The following CFAP95 variants were observed in gnomAD, a reference collection of about 807,000 sequenced individuals.
CFAP95 encodes cilia and flagella associated protein 95.
the CFAP95 span, among the ~76,000 whole-genome samples, chr9:69,856,057 T>A: frequency 3.3e-5 from 5 of 152,222 alleles, no homozygotes; most frequent in Admixed American, 6.5e-5. Flanking sequence ...TTACCCTTGA[T>A]GTTTCTGCAA....
At chr9:69,866,635 C>T in the CFAP95 span, among the ~76,000 whole-genome samples, 1 of 152,208 alleles carries the variant, frequency 6.6e-6, no homozygotes, top group African/African-American at 2.4e-5. Flanking sequence ...TCAAAAGCTA[C>T]TCTATTTTGG....
At chr9:69,836,506 C>G in the CFAP95 span, among the ~76,000 whole-genome samples, 1 of 152,018 alleles carries the variant, frequency 6.6e-6, no homozygotes, top group Non-Finnish European at 1.5e-5. Context: ...CAAATTGATC[C>G]CCTTCTCCAA....
At chr9:69,883,822 T>C in the CFAP95 span, among the ~76,000 whole-genome samples, 1 of 43,570 alleles carries the variant, frequency 2.3e-5, no homozygotes, top group Non-Finnish European at 6.2e-5. Flanking sequence ...TTTATTTTTT[T>C]AAAAAAAAAC....
the CFAP95 span, chr9:69,902,323 C>T: frequency 2.2e-6 from 1 of 455,068 alleles, no homozygotes; most frequent in East Asian, 7.0e-5. Context: ...GATATTTTCT[C>T]TACCCATTTG....
chr9:69,886,968 C>A, the CFAP95 span: 2 of 1,205,692 alleles, frequency 1.7e-6, no homozygotes, highest in Non-Finnish European at 1.2e-6. Flanking sequence ...TATAGTCAAA[C>A]TTGGGAAGAA....
At chr9:69,889,409 A>G in the CFAP95 span, among the ~76,000 whole-genome samples, 4 of 152,168 alleles carry the variant, frequency 2.6e-5, no homozygotes, top group African/African-American at 9.7e-5. Flanking sequence ...AACCTAAAGA[A>G]CTGGTCTTTG....
chr9:69,874,648 A>G, the CFAP95 span, among the ~76,000 whole-genome samples: 3 of 152,154 alleles, frequency 2.0e-5, no homozygotes, highest in African/African-American at 7.2e-5. Flanking sequence ...CCCGCTGAGG[A>G]CCAACTTCTT....
chr9:69,843,627 CTTCCT>C, the CFAP95 span, among the ~76,000 whole-genome samples: 1 of 60,562 alleles, frequency 1.7e-5, no homozygotes, highest in African/African-American at 9.7e-5. Flanking sequence ...TCTTCTTCTT[CTTCCT>C]CCTCCTCCTC....
the CFAP95 span, chr9:69,886,959 A>C: frequency 7.7e-7 from 1 of 1,292,264 alleles, no homozygotes; most frequent in East Asian, 2.3e-5. Context: ...TGCACCTAGT[A>C]TAGTCAAACT....
At chr9:69,837,287 A>T in the CFAP95 span, among the ~76,000 whole-genome samples, 1 of 152,158 alleles carries the variant, frequency 6.6e-6, no homozygotes, top group Non-Finnish European at 1.5e-5. Context: ...CCAGGTCTAG[A>T]TCCCTGAGGA....
At chr9:69,851,268 C>T in the CFAP95 span, among the ~76,000 whole-genome samples, 1 of 152,090 alleles carries the variant, frequency 6.6e-6, no homozygotes, top group Middle Eastern at 3.2e-3. Flanking sequence ...GCCTCCACTG[C>T]CTATTTACCC....
the CFAP95 span, among the ~76,000 whole-genome samples, chr9:69,869,242 C>A: frequency 6.6e-6 from 1 of 152,144 alleles, no homozygotes; most frequent in Non-Finnish European, 1.5e-5. Flanking sequence ...ACAGACTCAA[C>A]CTAAGTGTCC....
chr9:69,824,787 G>A, the CFAP95 span, among the ~76,000 whole-genome samples: 1 of 152,118 alleles, frequency 6.6e-6, no homozygotes, highest in Non-Finnish European at 1.5e-5. Flanking sequence ...CATAATACAA[G>A]GTTATGTCTT....
chr9:69,867,318 A>G, the CFAP95 span, among the ~76,000 whole-genome samples: 1 of 152,210 alleles, frequency 6.6e-6, no homozygotes, highest in African/African-American at 2.4e-5. Flanking sequence ...TGATGGGCTG[A>G]TGGCTGACTC....
the CFAP95 span, among the ~76,000 whole-genome samples, chr9:69,854,356 C>T: frequency 2.4e-3 from 365 of 152,300 alleles, 2 homozygotes; most frequent in African/African-American, 8.1e-3. Context: ...TTTACTATAA[C>T]CTACTATGCT....
chr9:69,873,315 G>A, the CFAP95 span, among the ~76,000 whole-genome samples: 1 of 152,134 alleles, frequency 6.6e-6, no homozygotes, highest in African/African-American at 2.4e-5. Context: ...AAAAAAATAA[G>A]CCTGGCATTC....
chr9:69,822,586 A>G, the CFAP95 span, among the ~76,000 whole-genome samples: 2 of 152,248 alleles, frequency 1.3e-5, no homozygotes, highest in South Asian at 2.1e-4. Flanking sequence ...GAGTCATACC[A>G]TAAATCACCA....
the CFAP95 span, among the ~76,000 whole-genome samples, chr9:69,833,994 C>T: frequency 6.6e-6 from 1 of 152,162 alleles, no homozygotes; most frequent in Non-Finnish European, 1.5e-5. Context: ...CTTAAGGTGA[C>T]ATAATGTAAT....
At chr9:69,846,680 C>T in the CFAP95 span, among the ~76,000 whole-genome samples, 1 of 152,162 alleles carries the variant, frequency 6.6e-6, no homozygotes, top group Non-Finnish European at 1.5e-5. Flanking sequence ...GATACTGGCG[C>T]CAAGCCCCCA....
Sources: allele counts gnomAD v4.1 joint callset (sites outside exome capture counted in the v4.1 genomes callset), GRCh38; gene constraint gnomAD v4.1.1; transcripts MANE v1.5; gene names NCBI Gene and HGNC (gene_info 2026-07-23, HGNC 2026-07-21).